The following TAAR1 variants were observed in gnomAD, a reference collection of about 807,000 sequenced individuals.
TAAR1 encodes trace amine-associated receptor 1.
In TAAR1, 1 loss-of-function variant was observed where a neutral mutation model predicts 1.2. The ratio of observed to expected loss-of-function variants is 0.81; its 90% CI spans 0.29 to 3.86. The LOEUF (loss-of-function observed/expected upper bound fraction) is 3.86, where lower values mean the gene tolerates loss of function less well. TAAR1 is among the 30% of genes most tolerant of loss of function. The probability of loss-of-function intolerance (pLI) is 0.18; values close to 1 mark genes in which losing one functional copy is unlikely to be tolerated. For synonymous variants in TAAR1, 153 were observed against 132.2 expected, an observed-to-expected ratio of 1.16 and a Z score of -1.08; for missense variants, 445 against 405.6, an observed-to-expected ratio of 1.10 and a Z score of -0.83.
chr6:132,643,853 A>G lies in TAAR1; in HGVS notation c.*1131T>C, dbSNP rs1777626028. 6.6e-6 allele frequency among the ~76,000 whole-genome samples: 1 copy of G among 152,008 alleles called. No homozygotes were observed. Among genetic ancestry groups the G allele is most frequent in the African/African-American group, 2.4e-5 (1 of 41,418 alleles). Reference sequence around the variant, plus strand: ...TTTTGTATTTTTATATATGCCATCTAAATAGCCATGGTACATCTAGTCTGA... The same window carrying G: ...TTTTGTATTTTTATATATGCCATCTGAATAGCCATGGTACATCTAGTCTGA... On this transcript the variant is annotated 3_prime_UTR_variant, in exon 2 of 2. Transcript: ENST00000275216.
chr6:132,644,251 C>T lies in TAAR1; in HGVS notation c.*733G>A, dbSNP rs1053350171. 2.0e-5 allele frequency among the ~76,000 whole-genome samples: 3 copies of T among 151,714 alleles called. No homozygotes were observed. The highest frequency in any genetic ancestry group is 7.3e-5 in the African/African-American group (3 of 41,334). On this transcript the variant is annotated 3_prime_UTR_variant, in exon 2 of 2. Transcript: ENST00000275216. ...ATGCATTATATTTAGTTAATATGTG[C>T]ACATATGCCCCGACTCCAAAATAAA...
intron 1 of TAAR1, among the ~76,000 whole-genome samples, chr6:132,651,321 A>G (rs1582752664): frequency 6.6e-6 from 1 of 152,176 alleles, no homozygotes; most frequent in Non-Finnish European, 1.5e-5. Flanking sequence ...TCTGATGAGT[A>G]TCATATGAAT....
At chr6:132,650,317 T>A (rs192795970) in intron 1 of TAAR1, among the ~76,000 whole-genome samples, 2 of 152,332 alleles carry the variant, frequency 1.3e-5, no homozygotes, top group African/African-American at 4.8e-5. Flanking sequence ...TTTCCTGGCA[T>A]TATCTTAAGC....
intron 1 of TAAR1, among the ~76,000 whole-genome samples, chr6:132,649,225 C>A (rs1048621697): frequency 6.6e-6 from 1 of 152,138 alleles, no homozygotes; most frequent in Non-Finnish European, 1.5e-5. Flanking sequence ...GGTCTTTATT[C>A]CATTTCCTAA....
chr6:132,656,340 A>C (rs1180618084), intron 1 of TAAR1, among the ~76,000 whole-genome samples: 1 of 152,210 alleles, frequency 6.6e-6, no homozygotes, highest in Non-Finnish European at 1.5e-5. Flanking sequence ...TCAAGAATAC[A>C]CATATATTTA....
chr6:132,652,683 G>C (rs966196291), intron 1 of TAAR1, among the ~76,000 whole-genome samples: 18 of 148,404 alleles, frequency 1.2e-4, no homozygotes, highest in African/African-American at 4.5e-4. Flanking sequence ...AAGAATTCCT[G>C]GCTTCCCTGA....
At chr6:132,658,982 C>T (rs919777572) in intron 1 of TAAR1, among the ~76,000 whole-genome samples, 148 bp downstream of exon 1, 13 of 152,200 alleles carry the variant, frequency 8.5e-5, no homozygotes, top group Non-Finnish European at 1.8e-4. Context: ...AATCTTCGCA[C>T]TAAATAATCC....
intron 1 of TAAR1, among the ~76,000 whole-genome samples, chr6:132,657,559 T>G (rs1475670898): frequency 2.0e-5 from 3 of 152,042 alleles, no homozygotes; most frequent in Non-Finnish European, 2.9e-5. Context: ...AAATATCATA[T>G]GTCAATATAT....
chr6:132,655,691 A>G (rs1777798682), intron 1 of TAAR1, among the ~76,000 whole-genome samples: 1 of 152,154 alleles, frequency 6.6e-6, no homozygotes, highest in Non-Finnish European at 1.5e-5. Flanking sequence ...TGCTGCCTTG[A>G]GAACAGATGC....
intron 1 of TAAR1, among the ~76,000 whole-genome samples, chr6:132,656,585 T>A (rs1777806082): frequency 6.6e-6 from 1 of 152,150 alleles, no homozygotes; most frequent in Admixed American, 6.6e-5. Flanking sequence ...ACAAATGAAC[T>A]GAGGAGTTCA....
intron 1 of TAAR1, among the ~76,000 whole-genome samples, chr6:132,647,637 AAAGAAAGAAAG>A (rs1220153250): frequency 4.8e-5 from 6 of 124,788 alleles, no homozygotes; most frequent in African/African-American, 2.0e-4. Flanking sequence ...AGAAAGAAAG[AAAGAAAGAAAG>A]AAAGAAAGAA....
intron 1 of TAAR1, among the ~76,000 whole-genome samples, chr6:132,652,548 G>C (rs1159577967): frequency 2.0e-5 from 3 of 149,310 alleles, no homozygotes; most frequent in Non-Finnish European, 3.0e-5. Flanking sequence ...CTCGTGATCC[G>C]CCTGCCTCGG....
Position 132,643,636 on chromosome 6 carries a change from C to T in TAAR1, c.*1348G>A, listed in dbSNP as rs917201672. ...ATACGCAGCAGTGTGCATTTAGTTACGTTTAAAATCATTTGCCTTACCCTA... is the reference window on the plus strand; with the variant it reads ...ATACGCAGCAGTGTGCATTTAGTTATGTTTAAAATCATTTGCCTTACCCTA... On this transcript the variant is annotated 3_prime_UTR_variant, in exon 2 of 2. Coordinates refer to ENST00000275216, the MANE Select transcript of TAAR1 (RefSeq NM_138327.4). Among the ~76,000 whole-genome samples the T allele has an allele frequency of 7.2e-5, 11 of 151,874 alleles. No homozygotes were observed. The highest frequency in any genetic ancestry group is 1.9e-4 in the East Asian group (1 of 5,192).
At chr6:132,656,961 T>C (rs1777809705) in intron 1 of TAAR1, among the ~76,000 whole-genome samples, 1 of 151,968 alleles carries the variant, frequency 6.6e-6, no homozygotes, top group Non-Finnish European at 1.5e-5. Flanking sequence ...AAAACAAAAA[T>C]TTATAAATAG....
At chr6:132,650,082 A>G (rs1475356292) in intron 1 of TAAR1, among the ~76,000 whole-genome samples, 2 of 152,174 alleles carry the variant, frequency 1.3e-5, no homozygotes, top group African/African-American at 2.4e-5. Context: ...TTCCATGGTC[A>G]TATCCCCGGA....
intron 1 of TAAR1, among the ~76,000 whole-genome samples, chr6:132,650,054 C>T (rs1054196787): frequency 2.0e-5 from 3 of 152,160 alleles, no homozygotes; most frequent in Admixed American, 6.6e-5. Context: ...CATAGACTCG[C>T]CTCCATCTCA....
In TAAR1 at chr6:132,645,767, G is replaced by A. The variant is rs756437134; in HGVS notation, c.237C>T (p.Tyr79=). 42 of 1,613,598 alleles carry A rather than the reference G, an allele frequency of 2.6e-5. No homozygotes were observed. The East Asian group carries it at 9.1e-4, about 35-fold the overall frequency. The change falls in exon 2 of 2, where the codon TAC becomes TAT. Residue 79 remains tyrosine (Y), a synonymous_variant. Coordinates refer to ENST00000275216, the MANE Select transcript of TAAR1 (RefSeq NM_138327.4). ...DFLLGCLVMP[Y]SMVRSAEHCW... ...AGTGCTCAGCAGATCTCACCATACT[G>A]TAAGGCATGACCAGACACCCCAGAA...
intron 1 of TAAR1, among the ~76,000 whole-genome samples, chr6:132,658,622 A>T (rs1280392433): frequency 6.6e-6 from 1 of 152,102 alleles, no homozygotes; most frequent in Non-Finnish European, 1.5e-5. Context: ...TGCACAAATA[A>T]TATCTGTGCA....
chr6:132,647,583 G>GGAAA (rs1327029007), intron 1 of TAAR1, among the ~76,000 whole-genome samples: 3 of 123,954 alleles, frequency 2.4e-5, no homozygotes, highest in African/African-American at 9.1e-5. Context: ...GAAGGAGAAA[G>GGAAA]GAAAGAAAGA....
Sources: gnomAD v4.1 joint callset for allele counts (sites outside exome capture counted in the v4.1 genomes callset) on GRCh38, gnomAD v4.1.1 for gene constraint, MANE v1.5 for transcripts, NCBI Gene and HGNC (gene_info 2026-07-23, HGNC 2026-07-21) for gene names.